Variants in TRPS1 observed in about 807,000 individuals in gnomAD.
TRPS1 encodes transcriptional repressor GATA binding 1.
TRPS1 carries 6 observed loss-of-function variants against 101.2 expected under a neutral mutation model. That is an observed-to-expected ratio of 0.06 (90% CI 0.03 to 0.12). The LOEUF (loss-of-function observed/expected upper bound fraction) is 0.12. TRPS1 is among the 10% of genes least tolerant of loss of function. TRPS1 has a pLI of 1.00. For missense variants in TRPS1, 1,363 were observed against 1,567.0 expected, an observed-to-expected ratio of 0.87 and a Z score of 2.20; for synonymous variants, 578 against 589.8, an observed-to-expected ratio of 0.98 and a Z score of 0.29.
At chr8:115,644,686 G>A (rs1020767118) in intron 1 of TRPS1, among the ~76,000 whole-genome samples, 6 of 152,240 alleles carry the variant, frequency 3.9e-5, no homozygotes, top group Admixed American at 1.3e-4. Context: ...CTAGTTTTTG[G>A]CTTCTCTCTT....
intron 4 of TRPS1, among the ~76,000 whole-genome samples, chr8:115,603,256 T>G (rs957656125): frequency 1.3e-5 from 2 of 152,138 alleles, no homozygotes; most frequent in African/African-American, 4.8e-5. Context: ...CCACATCCAT[T>G]TAAGAATCTG....
At chr8:115,416,693 A>C (rs1812929492) in intron 6 of TRPS1, among the ~76,000 whole-genome samples, 1 of 151,772 alleles carries the variant, frequency 6.6e-6, no homozygotes, top group South Asian at 2.1e-4. Context: ...TACAACTATA[A>C]ATCCTTTTTG....
chr8:115,454,964 T>C (rs1813980323), intron 5 of TRPS1, among the ~76,000 whole-genome samples: 1 of 152,216 alleles, frequency 6.6e-6, no homozygotes, highest in Non-Finnish European at 1.5e-5. Flanking sequence ...TGTTTTTCTT[T>C]TTATAAACTT....
chr8:115,528,868 CT>C (rs1182795613), intron 5 of TRPS1, among the ~76,000 whole-genome samples: 4 of 151,860 alleles, frequency 2.6e-5, no homozygotes, highest in Non-Finnish European at 5.9e-5. Context: ...TTTTATGATT[CT>C]TTTAAAAACT....
At chr8:115,463,303 TA>T (rs1331109724) in intron 5 of TRPS1, among the ~76,000 whole-genome samples, 1 of 152,160 alleles carries the variant, frequency 6.6e-6, no homozygotes, top group Non-Finnish European at 1.5e-5. Context: ...AGCCTGTACA[TA>T]AAAATTAAAT....
intron 5 of TRPS1, among the ~76,000 whole-genome samples, chr8:115,537,282 T>G (rs1024599468): frequency 6.6e-6 from 1 of 152,218 alleles, no homozygotes; most frequent in Non-Finnish European, 1.5e-5. Flanking sequence ...TTCATAGTTA[T>G]GATTCATTCT....
intron 2 of TRPS1, among the ~76,000 whole-genome samples, chr8:115,622,954 A>T (rs940848548): frequency 1.8e-4 from 28 of 152,280 alleles, no homozygotes; most frequent in African/African-American, 6.7e-4. Context: ...TATTTTAAAA[A>T]TTAACTTATT....
At chr8:115,549,210 T>G (rs1282749247) in intron 5 of TRPS1, among the ~76,000 whole-genome samples, 2 of 152,246 alleles carry the variant, frequency 1.3e-5, no homozygotes, top group East Asian at 3.9e-4. Context: ...TGTCTAAACA[T>G]CTCTCCCTAA....
At chr8:115,599,477 C>T (rs1258727619) in intron 4 of TRPS1, among the ~76,000 whole-genome samples, 1 of 152,000 alleles carries the variant, frequency 6.6e-6, no homozygotes, top group Non-Finnish European at 1.5e-5. Context: ...TGTCCTAATG[C>T]TCTCCCTCCC....
intron 5 of TRPS1, among the ~76,000 whole-genome samples, chr8:115,575,644 C>T (rs1052913248): frequency 6.6e-6 from 1 of 152,048 alleles, no homozygotes; most frequent in Non-Finnish European, 1.5e-5. Flanking sequence ...ACCCTAGAGG[C>T]CACCTCCTCT....
At chr8:115,652,297 A>T (rs572995492) in intron 1 of TRPS1, among the ~76,000 whole-genome samples, 2 of 152,306 alleles carry the variant, frequency 1.3e-5, no homozygotes, top group East Asian at 3.9e-4. Flanking sequence ...GCCTTGGCAG[A>T]TATCGCTTAG....
intron 4 of TRPS1, among the ~76,000 whole-genome samples, chr8:115,592,030 T>C (rs1386320886): frequency 6.6e-6 from 1 of 152,168 alleles, no homozygotes; most frequent in Non-Finnish European, 1.5e-5. Context: ...TAATTTTATA[T>C]AAATGTTAAC....
At chr8:115,493,599 T>C (rs887263800) in intron 5 of TRPS1, among the ~76,000 whole-genome samples, 1 of 152,116 alleles carries the variant, frequency 6.6e-6, no homozygotes, top group Non-Finnish European at 1.5e-5. Flanking sequence ...TCCACCCGCC[T>C]CAGCCTCCCA....
chr8:115,613,005 A>C (rs1188824914), intron 3 of TRPS1, among the ~76,000 whole-genome samples: 1 of 152,238 alleles, frequency 6.6e-6, no homozygotes, highest in Non-Finnish European at 1.5e-5. Context: ...TGCATGGAAA[A>C]AAAACAACCT....
chr8:115,639,654 C>A (rs1218982250), intron 1 of TRPS1, among the ~76,000 whole-genome samples: 1 of 138,990 alleles, frequency 7.2e-6, no homozygotes, highest in Non-Finnish European at 1.5e-5. Context: ...CATGGTGAAA[C>A]CCAATCTCTA....
intron 1 of TRPS1, among the ~76,000 whole-genome samples, chr8:115,660,900 T>C (rs1055724322): frequency 6.6e-6 from 1 of 152,014 alleles, no homozygotes; most frequent in African/African-American, 2.4e-5. Context: ...GCCTGGCAAA[T>C]AGCATCACAT....
chr8:115,502,277 G>A (rs1815337528), intron 5 of TRPS1, among the ~76,000 whole-genome samples: 1 of 152,012 alleles, frequency 6.6e-6, no homozygotes, highest in South Asian at 2.1e-4. Context: ...AGATAGAGAA[G>A]GCCAACAAAT....
At chr8:115,540,413 G>A (rs533344844) in intron 5 of TRPS1, among the ~76,000 whole-genome samples, 19 of 152,132 alleles carry the variant, frequency 1.2e-4, no homozygotes, top group Non-Finnish European at 1.9e-4. Flanking sequence ...ACAATAAAAC[G>A]AAATGAGTCC....
chr8:115,615,913 T>C (rs1286851921), intron 3 of TRPS1, among the ~76,000 whole-genome samples: 1 of 152,252 alleles, frequency 6.6e-6, no homozygotes, highest in Non-Finnish European at 1.5e-5. Context: ...GCTGCATCTA[T>C]GATTTTTACA....
Sources: gnomAD v4.1 joint callset for allele counts (sites outside exome capture counted in the v4.1 genomes callset) on GRCh38, gnomAD v4.1.1 for gene constraint, MANE v1.5 for transcripts, NCBI Gene and HGNC (gene_info 2026-07-23, HGNC 2026-07-21) for gene names.